The following PTPRM variants were observed in gnomAD, a reference collection of about 807,000 sequenced individuals.
PTPRM encodes receptor-type tyrosine-protein phosphatase mu.
In PTPRM, 47 loss-of-function variants were observed where a neutral mutation model predicts 186.7. The ratio of observed to expected loss-of-function variants is 0.25; its 90% CI spans 0.20 to 0.32. The LOEUF (loss-of-function observed/expected upper bound fraction) is 0.32. Ranked by LOEUF, PTPRM falls within the 10% of genes least tolerant of loss-of-function variation. PTPRM has a pLI of 1.00. For synonymous variants in PTPRM, 668 were observed against 674.9 expected (o/e 0.99, Z 0.16); for missense variants, 1,494 against 1,865.0 (o/e 0.80, Z 3.66).
rs567584365 is a variant in PTPRM at position 8,150,002 on chromosome 18, C to T, written c.2300+6223C>T. 2.0e-5 allele frequency among the ~76,000 whole-genome samples: 3 copies of T among 152,308 alleles called. No homozygotes were observed. In the South Asian group the frequency reaches 6.2e-4, roughly 32 times the overall value. On this transcript the variant is annotated intron_variant, in intron 14 of 32. Transcript: ENST00000580170. ...CACTCTCTTCTGACTTGTAGGGTTT[C>T]TGCAGAGATATTTACTGTTAGTCTG...
chr18:8,281,511 T>C (rs536677265), intron 19 of PTPRM, among the ~76,000 whole-genome samples: 110 of 152,278 alleles, frequency 7.2e-4, no homozygotes, highest in African/African-American at 2.5e-3. Flanking sequence ...TCTCTCTAAG[T>C]GGCTGTGATG....
At chr18:7,901,124 C>T (rs985716892) in intron 3 of PTPRM, among the ~76,000 whole-genome samples, 2 of 152,196 alleles carry the variant, frequency 1.3e-5, no homozygotes, top group African/African-American at 4.8e-5. Context: ...GGGTTCTGCA[C>T]ACACTTGGTA....
chr18:8,267,087 T>C (rs1393097265), intron 19 of PTPRM, among the ~76,000 whole-genome samples: 6 of 152,198 alleles, frequency 3.9e-5, no homozygotes, highest in Admixed American at 2.0e-4. Flanking sequence ...GTGTTAATTA[T>C]AAATACGCAG....
intron 1 of PTPRM, among the ~76,000 whole-genome samples, chr18:7,706,081 G>C (rs987774308): frequency 6.7e-6 from 1 of 150,368 alleles, no homozygotes; most frequent in African/African-American, 2.4e-5. Flanking sequence ...TATGATTTTT[G>C]TTACCTTTTA....
intron 1 of PTPRM, among the ~76,000 whole-genome samples, chr18:7,607,441 GCC>G (rs2143813494): frequency 3.4e-3 from 1 of 294 alleles, no homozygotes; most frequent in South Asian, 0.12. Flanking sequence ...GAGGCAGCTA[GCC>G]TAGCCTAGCC....
chr18:7,973,301 G>T (rs192535878), intron 7 of PTPRM, among the ~76,000 whole-genome samples: 13 of 152,212 alleles, frequency 8.5e-5, no homozygotes, highest in African/African-American at 3.1e-4. Context: ...ACTTTAGTAG[G>T]TGCTGTCAGA....
intron 7 of PTPRM, among the ~76,000 whole-genome samples, chr18:8,027,953 A>G (rs1421306591): frequency 6.6e-6 from 1 of 151,530 alleles, no homozygotes; most frequent in Non-Finnish European, 1.5e-5. Context: ...ATCTCCTATC[A>G]CTGTCCCCTG....
intron 2 of PTPRM, among the ~76,000 whole-genome samples, chr18:7,834,826 G>T (rs2045952679): frequency 6.6e-6 from 1 of 151,650 alleles, no homozygotes; most frequent in Non-Finnish European, 1.5e-5. Context: ...ATTTCTTCGT[G>T]GTTCAATCTT....
chr18:8,312,873 G>T (rs2095279931), intron 20 of PTPRM, among the ~76,000 whole-genome samples: 1 of 152,180 alleles, frequency 6.6e-6, no homozygotes, highest in African/African-American at 2.4e-5. Flanking sequence ...GCACTGACAT[G>T]AAATAATGTG....
intron 1 of PTPRM, among the ~76,000 whole-genome samples, chr18:7,733,163 C>T (rs1161575870): frequency 6.6e-6 from 1 of 152,114 alleles, no homozygotes; most frequent in Non-Finnish European, 1.5e-5. Context: ...TGGTTTGCTG[C>T]ACCTATCAAC....
intron 1 of PTPRM, among the ~76,000 whole-genome samples, chr18:7,650,737 C>T (rs894089696): frequency 1.3e-5 from 2 of 151,596 alleles, no homozygotes; most frequent in African/African-American, 4.8e-5. Context: ...CACTTGTCAG[C>T]AGAAATGGTT....
intron 14 of PTPRM, among the ~76,000 whole-genome samples, chr18:8,183,108 A>G (rs2093598578): frequency 6.6e-6 from 1 of 152,220 alleles, no homozygotes; most frequent in Non-Finnish European, 1.5e-5. Context: ...TTTTGTTTCA[A>G]AACTTTCTTT....
intron 2 of PTPRM, among the ~76,000 whole-genome samples, chr18:7,808,277 C>CGGAGGT (rs201707647): frequency 0.011 from 1,628 of 152,180 alleles, 18 homozygotes; most frequent in Non-Finnish European, 0.017. Context: ...GTGGTGCAGA[C>CGGAGGT]GGAGGTGGAG....
At chr18:8,303,718 C>T (rs1805937320) in intron 20 of PTPRM, among the ~76,000 whole-genome samples, 1 of 152,170 alleles carries the variant, frequency 6.6e-6, no homozygotes, top group Non-Finnish European at 1.5e-5. Flanking sequence ...CCACATGAAA[C>T]CAACAGGAAG....
At chr18:7,924,140 G>T (rs770939926) in intron 4 of PTPRM, among the ~76,000 whole-genome samples, 1 of 152,216 alleles carries the variant, frequency 6.6e-6, no homozygotes, top group African/African-American at 2.4e-5. Context: ...GATGATAGTA[G>T]TGTCACAGCC....
chr18:7,772,751 C>A (rs2042388804), intron 1 of PTPRM, among the ~76,000 whole-genome samples: 1 of 152,066 alleles, frequency 6.6e-6, no homozygotes, highest in Non-Finnish European at 1.5e-5. Context: ...TGGACAATGG[C>A]TGTTTTACTT....
chr18:7,752,944 C>G (rs1032697382), intron 1 of PTPRM, among the ~76,000 whole-genome samples: 2 of 152,014 alleles, frequency 1.3e-5, no homozygotes, highest in Non-Finnish European at 2.9e-5. Flanking sequence ...TTCTTTCTGT[C>G]TAACCCCTCT....
chr18:7,906,508 A>T lies in PTPRM; in HGVS notation c.472A>T (p.Ile158Phe), dbSNP rs1163077103. Reference protein sequence around the residue: ...STFWPNFYQVIFEVITSGHQG... With the variant: ...STFWPNFYQVFFEVITSGHQG... ...TAAATCTTTCTTAATTTTCCAGGTG[A>T]TTTTTGAAGTGATAACTTCTGGACA... The change falls in exon 4 of 33, where the codon ATT (isoleucine) becomes TTT (phenylalanine). Residue 158 changes from isoleucine to phenylalanine, a missense_variant. Physicochemically the swap from Ile to Phe is conservative, Grantham distance 21. Around this residue, in one of 3 missense-constraint regions of PTPRM, gnomAD observed 296 missense variants for 345.5 expected, o/e 0.86. Transcript: ENST00000580170. 3 of 1,610,480 alleles carry T rather than the reference A, an allele frequency of 1.9e-6. No individual in the cohort carries two copies.
At chr18:8,169,505 C>T (rs577816827) in intron 14 of PTPRM, among the ~76,000 whole-genome samples, 39 of 152,182 alleles carry the variant, frequency 2.6e-4, no homozygotes, top group African/African-American at 9.4e-4. Context: ...TAAAGTGTAC[C>T]TCCATGTAGC....
Sources: allele counts gnomAD v4.1 joint callset (sites outside exome capture counted in the v4.1 genomes callset), GRCh38; gene constraint gnomAD v4.1.1; regional missense constraint gnomAD v4.1.1; transcripts MANE v1.5; gene names NCBI Gene and HGNC (gene_info 2026-07-23, HGNC 2026-07-21).